Variants in UBE2U observed in about 807,000 individuals in gnomAD.
The protein encoded by UBE2U is ubiquitin conjugating enzyme E2 U.
In UBE2U, 39 loss-of-function variants were observed where a neutral mutation model predicts 41.2. The ratio of observed to expected loss-of-function variants is 0.95; its 90% CI spans 0.73 to 1.24. The LOEUF (loss-of-function observed/expected upper bound fraction) is 1.24. Ranked by LOEUF, UBE2U falls within the 50% of genes most tolerant of loss-of-function variation. The probability of loss-of-function intolerance (pLI) is 0.00; values close to 1 mark genes in which losing one functional copy is unlikely to be tolerated. For synonymous variants in UBE2U, 107 were observed against 117.8 expected, an observed-to-expected ratio of 0.91 and a Z score of 0.60; for missense variants, 336 against 363.1, an observed-to-expected ratio of 0.93 and a Z score of 0.61.
intron 9 of UBE2U, among the ~76,000 whole-genome samples, chr1:64,266,421 G>C (rs1645255513): frequency 6.6e-6 from 1 of 152,140 alleles, no homozygotes; most frequent in South Asian, 2.1e-4. Context: ...ACTATAGGTT[G>C]CTCAGCCTCA....
rs192044358 is a variant in UBE2U, at chr1:64,210,786, C to A, written c.286C>A (p.Pro96Thr). 1.4e-5 allele frequency: 22 copies of A among 1,607,278 alleles called. No homozygotes were observed. Among genetic ancestry groups the A allele is most frequent in the African/African-American group, 2.7e-5 (2 of 74,682 alleles). ...GQPCIDFLDN[P>T]EKWNTNYTLS... is the part of the protein sequence containing the mutation. ...GCCCTGTATAGACTTTTTGGACAAC[C>A]CTGAGAAGTGGAATACAAACTATAC... Residue 96 changes from proline to threonine, a missense_variant, in exon 4 of 10, where the codon CCT (proline) becomes ACT (threonine). Physicochemically the swap from Pro to Thr is conservative, Grantham distance 38. Coordinates refer to ENST00000371077, the MANE Select transcript of UBE2U (RefSeq NM_001366232.2).
chr1:64,222,986 T>C (rs985116573), intron 6 of UBE2U, among the ~76,000 whole-genome samples: 1 of 152,212 alleles, frequency 6.6e-6, no homozygotes, highest in African/African-American at 2.4e-5. Context: ...CTTGAACTTG[T>C]GCTAGTCATC....
At chr1:64,218,635 T>C (rs1652194757) in intron 5 of UBE2U, among the ~76,000 whole-genome samples, 1 of 152,222 alleles carries the variant, frequency 6.6e-6, no homozygotes, top group Non-Finnish European at 1.5e-5. Flanking sequence ...AGATATTATT[T>C]ATAGACTTCA....
At chr1:64,239,149 A>AGGAG (rs1644764007) in intron 7 of UBE2U, among the ~76,000 whole-genome samples, 3 of 24,200 alleles carry the variant, frequency 1.2e-4, no homozygotes, top group African/African-American at 2.3e-4. Context: ...AAGAAGAAGA[A>AGGAG]GAAGAAGAAA....
intron 7 of UBE2U, among the ~76,000 whole-genome samples, chr1:64,236,511 T>C (rs1644670376): frequency 6.6e-6 from 1 of 152,180 alleles, no homozygotes; most frequent in African/African-American, 2.4e-5. Context: ...GAATGGCAAG[T>C]AAAAGGTTTG....
chr1:64,210,025 T>C (rs1250303163), intron 3 of UBE2U, among the ~76,000 whole-genome samples: 1 of 152,228 alleles, frequency 6.6e-6, no homozygotes, highest in Non-Finnish European at 1.5e-5. Flanking sequence ...TTTTCAACTT[T>C]GTTTATGCTG....
intron 8 of UBE2U, among the ~76,000 whole-genome samples, chr1:64,253,494 A>C (rs930321413): frequency 1.3e-5 from 2 of 152,178 alleles, no homozygotes; most frequent in Non-Finnish European, 2.9e-5. Flanking sequence ...TGAAGGAAAA[A>C]ATGTTCAGGG....
chr1:64,242,887 T>G (rs1644858829), intron 8 of UBE2U, among the ~76,000 whole-genome samples: 2 of 152,192 alleles, frequency 1.3e-5, no homozygotes, highest in South Asian at 4.1e-4. Flanking sequence ...GAATATAAGG[T>G]TAATTTTTCT....
intron 5 of UBE2U, among the ~76,000 whole-genome samples, chr1:64,219,758 G>T (rs1652302014): frequency 6.6e-6 from 1 of 151,886 alleles, no homozygotes; most frequent in Non-Finnish European, 1.5e-5. Flanking sequence ...ACCACACCTG[G>T]CTAATTTTTT....
chr1:64,257,420 A>G (rs1489604571), intron 8 of UBE2U, among the ~76,000 whole-genome samples: 1 of 152,254 alleles, frequency 6.6e-6, no homozygotes, highest in East Asian at 1.9e-4. Flanking sequence ...ACCATGGAAT[A>G]CTATGCAGCC....
intron 8 of UBE2U, among the ~76,000 whole-genome samples, chr1:64,251,075 A>C (rs1263313652): frequency 6.6e-6 from 1 of 151,938 alleles, no homozygotes; most frequent in East Asian, 1.9e-4. Context: ...AAAAATAAAT[A>C]AATCAATAAA....
At chr1:64,209,931 T>A (rs181238845) in intron 3 of UBE2U, among the ~76,000 whole-genome samples, 42 of 152,346 alleles carry the variant, frequency 2.8e-4, no homozygotes, top group Non-Finnish European at 2.9e-5. Context: ...TTGTTGATTC[T>A]TATTTTGTGA....
chr1:64,254,785 G>A (rs1412290416), intron 8 of UBE2U, among the ~76,000 whole-genome samples: 2 of 151,984 alleles, frequency 1.3e-5, no homozygotes, highest in African/African-American at 4.8e-5. Context: ...GTGTTGAGAG[G>A]GAAATTTATA....
intron 8 of UBE2U, among the ~76,000 whole-genome samples, chr1:64,255,509 T>C (rs1044716922): frequency 1.4e-4 from 21 of 152,200 alleles, no homozygotes; most frequent in African/African-American, 5.1e-4. Flanking sequence ...TGAACATTGA[T>C]GCAAAAATCC....
At chr1:64,213,842 G>A (rs752473871) in intron 4 of UBE2U, among the ~76,000 whole-genome samples, 30 of 152,014 alleles carry the variant, frequency 2.0e-4, no homozygotes, top group Non-Finnish European at 3.7e-4. Flanking sequence ...TAATACATAC[G>A]AAGGCTATGT....
intron 6 of UBE2U, among the ~76,000 whole-genome samples, chr1:64,231,571 C>G (rs1644566820): frequency 6.6e-6 from 1 of 152,134 alleles, no homozygotes. Flanking sequence ...AGTAACAACA[C>G]TTTCGAAAAA....
At chr1:64,253,718 G>A (rs971865716) in intron 8 of UBE2U, among the ~76,000 whole-genome samples, 1 of 152,126 alleles carries the variant, frequency 6.6e-6, no homozygotes, top group African/African-American at 2.4e-5. Context: ...AATGCTGAGG[G>A]AATTCATCAC....
chr1:64,216,922 C>A (rs1405017002), intron 5 of UBE2U, among the ~76,000 whole-genome samples: 1 of 152,196 alleles, frequency 6.6e-6, no homozygotes, highest in Non-Finnish European at 1.5e-5. Flanking sequence ...ATACCCCAGA[C>A]TGCCTGGGAA....
At chr1:64,259,689 AGTC>A (rs1055438725) in intron 8 of UBE2U, among the ~76,000 whole-genome samples, 1 of 152,130 alleles carries the variant, frequency 6.6e-6, no homozygotes, top group African/African-American at 2.4e-5. Flanking sequence ...CCCAAAAAGT[AGTC>A]GTCCCCCAAA....
Sources: allele counts gnomAD v4.1 joint callset (sites outside exome capture counted in the v4.1 genomes callset), GRCh38; gene constraint gnomAD v4.1.1; transcripts MANE v1.5; gene names NCBI Gene and HGNC (gene_info 2026-07-23, HGNC 2026-07-21).